MBD5: variants seen among roughly 807,000 people sequenced by gnomAD.
The protein encoded by MBD5 is methyl-CpG binding domain protein 5, also known as methyl-CpG-binding domain protein 5.
In MBD5, 13 loss-of-function variants were observed where a neutral mutation model predicts 117.3. That is an observed-to-expected ratio of 0.11 (90% confidence interval 0.07 to 0.18). The LOEUF is 0.18. Ranked by LOEUF, MBD5 falls within the 10% of genes least tolerant of loss-of-function variation. The pLI is 1.00. For missense variants in MBD5, 1,879 were observed against 2,093.8 expected (o/e 0.90, Z 2.00); for synonymous variants, 727 against 766.4 (o/e 0.95, Z 0.85).
At chr2:148,041,899 T>C (rs1455997027) in intron 1 of MBD5, among the ~76,000 whole-genome samples, 1 of 152,186 alleles carries the variant, frequency 6.6e-6, no homozygotes, top group Non-Finnish European at 1.5e-5. Flanking sequence ...CATGGAAATA[T>C]ACACAGAAAT....
chr2:148,034,175 A>T (rs1157382433), intron 1 of MBD5, among the ~76,000 whole-genome samples: 1 of 152,180 alleles, frequency 6.6e-6, no homozygotes, highest in African/African-American at 2.4e-5. Context: ...AGCCTGGGTG[A>T]CACAGTAAGA....
intron 1 of MBD5, among the ~76,000 whole-genome samples, chr2:148,117,016 C>A (rs887316272): frequency 6.6e-6 from 1 of 152,010 alleles, no homozygotes; most frequent in African/African-American, 2.4e-5. Flanking sequence ...TTATTTTATA[C>A]CTTTTGGTTT....
At chr2:148,276,803 C>T (rs1238796768) in intron 3 of MBD5, among the ~76,000 whole-genome samples, 1 of 151,984 alleles carries the variant, frequency 6.6e-6, no homozygotes, top group African/African-American at 2.4e-5. Flanking sequence ...GATATGACTC[C>T]TTAGAATGTG....
In MBD5 at chr2:148,397,609, G is replaced by A. The variant is rs1000024227; in HGVS notation, c.-557+55273G>A. 3.9e-5 allele frequency among the ~76,000 whole-genome samples: 6 copies of A among 152,146 alleles called. No homozygotes were observed. The East Asian group carries it at 7.7e-4, about 20-fold the overall frequency. ...CTCCCAAAGTGCTGAGATTACAGGC[G>A]TGAGCCACCGCGCCCAGCCTGATCC... On this transcript the variant is annotated intron_variant, in intron 4 of 13. Coordinates refer to ENST00000642680, the MANE Select transcript of MBD5 (RefSeq NM_001378120.1).
intron 1 of MBD5, among the ~76,000 whole-genome samples, chr2:148,093,520 G>A (rs1323146654): frequency 6.6e-6 from 1 of 152,124 alleles, no homozygotes; most frequent in East Asian, 1.9e-4. Context: ...ATTAAAAATA[G>A]ATTTTTGTGG....
chr2:148,112,060 T>C (rs1396877834), intron 1 of MBD5, among the ~76,000 whole-genome samples: 1 of 152,152 alleles, frequency 6.6e-6, no homozygotes, highest in Admixed American at 6.5e-5. Flanking sequence ...GAGCAACAAC[T>C]GTACATATAC....
chr2:148,146,907 T>C (rs1381340020), intron 1 of MBD5, among the ~76,000 whole-genome samples: 1 of 152,210 alleles, frequency 6.6e-6, no homozygotes, highest in East Asian at 1.9e-4. Context: ...AGTCAGACAT[T>C]CTAGTAAATA....
chr2:148,119,651 T>C (rs1385143381), intron 1 of MBD5, among the ~76,000 whole-genome samples: 3 of 152,170 alleles, frequency 2.0e-5, no homozygotes, highest in Non-Finnish European at 4.4e-5. Flanking sequence ...TACATAAAGG[T>C]ATATGATCAT....
intron 3 of MBD5, among the ~76,000 whole-genome samples, chr2:148,309,087 T>C (rs1303012756): frequency 6.6e-6 from 1 of 152,236 alleles, no homozygotes; most frequent in East Asian, 1.9e-4. Context: ...TCAAGTAGCA[T>C]GATGCCTACA....
intron 1 of MBD5, among the ~76,000 whole-genome samples, chr2:148,085,184 A>C (rs890992623): frequency 3.9e-5 from 6 of 152,204 alleles, no homozygotes; most frequent in Non-Finnish European, 8.8e-5. Context: ...GGAAACAAGG[A>C]ATGGTGGGTT....
At chr2:148,129,663 G>C (rs1308989319) in intron 1 of MBD5, among the ~76,000 whole-genome samples, 1 of 152,162 alleles carries the variant, frequency 6.6e-6, no homozygotes, top group Admixed American at 6.5e-5. Flanking sequence ...TAAGTTTTAA[G>C]AGTATAGCAA....
chr2:148,294,512 T>TTTGTTTTTTTTTTTTTTTGTTTGTTTG (rs1559009573), intron 3 of MBD5, among the ~76,000 whole-genome samples: 1 of 141,270 alleles, frequency 7.1e-6, no homozygotes, highest in Non-Finnish European at 1.5e-5. Context: ...TTTTTTTTTT[T>TTTGTTTTTTTTTTTTTTTGTTTGTTTG]TTTTTTTTTG....
Position 148,469,238 on chromosome 2 carries a change from C to T in MBD5, c.1295C>T (p.Thr432Ile), listed in dbSNP as rs757385718. Residue 432 changes from threonine to isoleucine, a missense_variant, in exon 8 of 14, where the codon ACC becomes ATC. Coordinates refer to ENST00000642680, the MANE Select transcript of MBD5 (RefSeq NM_001378120.1). ...HVQRVQHSASTSLSPSPVTSP... is the reference protein window; with the variant it reads ...HVQRVQHSASISLSPSPVTSP... Reference sequence around the variant, plus strand: ...CAAAGAGTTCAGCATTCAGCTTCAACCTCCCTGTCCCCTTCTCCAGTGACA... The same window carrying T: ...CAAAGAGTTCAGCATTCAGCTTCAATCTCCCTGTCCCCTTCTCCAGTGACA... The T allele has an allele frequency of 2.5e-6, 4 of 1,614,036 alleles. No homozygotes were observed. In the South Asian group the frequency reaches 4.4e-5, roughly 18 times the overall value.
At chr2:148,083,785 G>A (rs904496349) in intron 1 of MBD5, among the ~76,000 whole-genome samples, 56 of 151,866 alleles carry the variant, frequency 3.7e-4, no homozygotes, top group African/African-American at 1.4e-3. Flanking sequence ...ACGCCACCAC[G>A]CCCGACTGAT....
intron 3 of MBD5, among the ~76,000 whole-genome samples, chr2:148,333,703 C>G (rs1702719002): frequency 6.6e-6 from 1 of 151,228 alleles, no homozygotes; most frequent in Non-Finnish European, 1.5e-5. Context: ...TAAATAAATA[C>G]AAAAATTAGC....
chr2:148,327,024 A>C lies in MBD5; in HGVS notation c.-679-15190A>C, dbSNP rs866024879. Among the ~76,000 whole-genome samples, 176 of 151,708 alleles carry C rather than the reference A, an allele frequency of 1.2e-3. 1 individual carries two copies. The highest frequency in any genetic ancestry group is 1.8e-3 in the Non-Finnish European group (125 of 67,946). ...GCTTCCTTCAGGAGCTCTTTTAGGG[A>C]AGGCCTGGTGGTGACAAAATCTCTC... On this transcript the variant is annotated intron_variant, in intron 3 of 13. Coordinates refer to ENST00000642680, the MANE Select transcript of MBD5 (RefSeq NM_001378120.1).
At chr2:148,486,026 G>A in intron 10 of MBD5, 76 bp downstream of exon 10, 1 of 1,438,170 alleles carries the variant, frequency 7.0e-7, no homozygotes, top group Non-Finnish European at 9.8e-7. Context: ...GGGGGAAAGG[G>A]TGAAAAAAGT....
Position 148,468,575 on chromosome 2 carries a change from A to T in MBD5, c.632A>T (p.Lys211Ile). The T allele has an allele frequency of 6.2e-7, 1 of 1,613,874 alleles. No individual in the cohort carries two copies. Among genetic ancestry groups the T allele is most frequent in the South Asian group, 1.1e-5 (1 of 91,078 alleles). The change falls in exon 8 of 14, where the codon AAA becomes ATA. Residue 211 changes from lysine to isoleucine, a missense_variant. Physicochemically the swap from Lys to Ile is moderately radical, Grantham distance 102. This residue lies in a region of MBD5 where 1,666 missense variants were observed against 1,792.2 expected (regional missense o/e 0.93). Transcript: ENST00000642680. ...QRLGSSEHGQ[K>I]SPFRGSHGGL... ...TTGGGCAGCAGTGAACATGGACAGA[A>T]ATCTCCATTCCGTGGCAGCCATGGA...
chr2:148,404,274 A>G (rs1415898111), intron 4 of MBD5, among the ~76,000 whole-genome samples: 1 of 152,154 alleles, frequency 6.6e-6, no homozygotes, highest in Non-Finnish European at 1.5e-5. Flanking sequence ...TGTTACTAGA[A>G]CAGTATCAGT....
Sources: allele counts gnomAD v4.1 joint callset (sites outside exome capture counted in the v4.1 genomes callset), GRCh38; gene constraint gnomAD v4.1.1; regional missense constraint gnomAD v4.1.1; transcripts MANE v1.5; gene names NCBI Gene and HGNC (gene_info 2026-07-23, HGNC 2026-07-21).